The following TBC1D5 variants were observed in gnomAD, a reference collection of about 807,000 sequenced individuals.
TBC1D5 encodes the protein TBC1 domain family member 5.
A neutral mutation model predicts 100.3 loss-of-function variants in TBC1D5; 75 were observed. The observed-to-expected ratio is 0.75, with a 90% confidence interval of 0.62 to 0.91. The LOEUF (loss-of-function observed/expected upper bound fraction) is 0.91. TBC1D5 is among the 40% of genes least tolerant of loss of function. TBC1D5 has a pLI of 0.00. For missense variants in TBC1D5, 910 were observed against 942.4 expected, an observed-to-expected ratio of 0.97 and a Z score of 0.45; for synonymous variants, 323 against 325.6, an observed-to-expected ratio of 0.99 and a Z score of 0.09.
chr3:17,261,262 C>A (rs1411965077), intron 15 of TBC1D5, among the ~76,000 whole-genome samples: 2 of 151,980 alleles, frequency 1.3e-5, no homozygotes, highest in Admixed American at 6.5e-5. Flanking sequence ...AAACAACAAC[C>A]AAAACAAAAC....
rs552731051 is a variant in TBC1D5, at chr3:17,645,709, TTCTGAC to T, written c.-100-21802_-100-21797del. On this transcript the variant is annotated intron_variant, in intron 1 of 21. Coordinates refer to ENST00000253692, the Ensembl canonical transcript of TBC1D5. ...TCTAGGTACAAATCTCTTTCTTGAATTCTGACTAGACCATGAACCAATTCTACTACC... is the reference window on the plus strand; with the variant it reads ...TCTAGGTACAAATCTCTTTCTTGAATTAGACCATGAACCAATTCTACTACC... Among the ~76,000 whole-genome samples the T allele has an allele frequency of 1.4e-3, 206 of 152,266 alleles. 1 individual carries two copies. Among genetic ancestry groups the T allele is most frequent in the Admixed American group, 2.2e-3 (33 of 15,288 alleles).
chr3:17,641,324 C>T (rs1056326178), intron 1 of TBC1D5, among the ~76,000 whole-genome samples: 1 of 151,940 alleles, frequency 6.6e-6, no homozygotes, highest in Non-Finnish European at 1.5e-5. Flanking sequence ...TAGATGGTGG[C>T]TATTGGTTTC....
intron 3 of TBC1D5, among the ~76,000 whole-genome samples, chr3:17,445,335 C>T (rs748374064): frequency 3.3e-5 from 5 of 151,342 alleles, no homozygotes; most frequent in African/African-American, 7.3e-5. Flanking sequence ...TTAAAGAGGA[C>T]GGTCTTTAGT....
intron 1 of TBC1D5, among the ~76,000 whole-genome samples, chr3:17,648,330 G>C (rs904325631): frequency 1.3e-5 from 2 of 152,034 alleles, no homozygotes; most frequent in Non-Finnish European, 2.9e-5. Context: ...ATCAACTCAA[G>C]GTGGATTAAA....
chr3:17,388,495 G>C (rs2093241109), intron 8 of TBC1D5, among the ~76,000 whole-genome samples: 1 of 151,758 alleles, frequency 6.6e-6, no homozygotes, highest in South Asian at 2.1e-4. Flanking sequence ...GCTAATCCCA[G>C]ACGTCATTAT....
chr3:17,692,372 A>G (rs150412915), intron 1 of TBC1D5, among the ~76,000 whole-genome samples: 461 of 152,338 alleles, frequency 3.0e-3, no homozygotes, highest in African/African-American at 0.011. Flanking sequence ...GATTACAGGT[A>G]TGAGTCACCA....
intron 13 of TBC1D5, among the ~76,000 whole-genome samples, chr3:17,350,027 T>A (rs1375590110): frequency 1.3e-5 from 2 of 152,172 alleles, no homozygotes; most frequent in East Asian, 3.8e-4. Context: ...TTTTATTTAT[T>A]TACTGCAAGA....
At chr3:17,348,241 A>C (rs559760959) in intron 13 of TBC1D5, among the ~76,000 whole-genome samples, 1 of 152,346 alleles carries the variant, frequency 6.6e-6, no homozygotes, top group South Asian at 2.1e-4. Context: ...GCCCCATGGA[A>C]TTCTTCATGT....
At chr3:17,691,230 T>A (rs2071104616) in intron 1 of TBC1D5, among the ~76,000 whole-genome samples, 1 of 152,166 alleles carries the variant, frequency 6.6e-6, no homozygotes, top group African/African-American at 2.4e-5. Context: ...ATCTCCCTCC[T>A]GTAACACCTT....
At chr3:17,374,700 A>AT in intron 10 of TBC1D5, 21 bp from the exon 11 acceptor site, 1 of 1,606,844 alleles carries the variant, frequency 6.2e-7, no homozygotes, top group Non-Finnish European at 8.5e-7. Context: ...CAATACAAGC[A>AT]ATCAAAATGT....
intron 3 of TBC1D5, among the ~76,000 whole-genome samples, chr3:17,447,027 T>C (rs2094815195): frequency 6.7e-6 from 1 of 150,082 alleles, no homozygotes. Context: ...CAAGAGAAAA[T>C]TGTATCACTG....
chr3:17,297,599 G>A (rs974375714), intron 14 of TBC1D5, among the ~76,000 whole-genome samples: 2 of 151,298 alleles, frequency 1.3e-5, no homozygotes, highest in African/African-American at 2.4e-5. Flanking sequence ...TTTCTTTTTT[G>A]GAGACACATC....
chr3:17,560,634 G>A (rs1322001383), intron 2 of TBC1D5, among the ~76,000 whole-genome samples: 3 of 149,206 alleles, frequency 2.0e-5, no homozygotes, highest in African/African-American at 4.9e-5. Flanking sequence ...AAAAAAGGGG[G>A]GGTGGGGGGC....
intron 13 of TBC1D5, chr3:17,338,362 A>G (rs139097621): frequency 2.3e-4 from 35 of 152,340 alleles, no homozygotes; most frequent in African/African-American, 6.5e-4. Context: ...GACTACTTAT[A>G]TACTGAAAAA....
chr3:17,646,691 A>C (rs1319509523), intron 1 of TBC1D5, among the ~76,000 whole-genome samples: 1 of 152,168 alleles, frequency 6.6e-6, no homozygotes. Context: ...CACCCTTAGC[A>C]AGCGGACTGT....
chr3:17,251,436 C>CG lies in TBC1D5; in HGVS notation c.1331+7069_1331+7070insC, dbSNP rs1032946215. On this transcript the variant is annotated intron_variant, in intron 16 of 21. Coordinates refer to ENST00000253692, the Ensembl canonical transcript of TBC1D5. ...ATATACTCACGGGAACCCCCCCCCCCCCAGTAGAAGCGATTAGAAGTGGAG... is the reference window on the plus strand; with the variant it reads ...ATATACTCACGGGAACCCCCCCCCCCGCCAGTAGAAGCGATTAGAAGTGGAG... Among the ~76,000 whole-genome samples the CG allele has an allele frequency of 6.9e-5, 10 of 143,922 alleles. No homozygotes were observed. The East Asian group carries it at 1.1e-3, about 15-fold the overall frequency. 94.4% of individuals were successfully genotyped at this position (143,922 alleles called of 152,430 possible). A position where few individuals can be genotyped will look rare whatever the true frequency, so the allele number is the denominator to read the frequency against.
intron 16 of TBC1D5, among the ~76,000 whole-genome samples, chr3:17,240,293 G>C (rs1416731385): frequency 6.6e-6 from 1 of 152,084 alleles, no homozygotes; most frequent in African/African-American, 2.4e-5. Flanking sequence ...ATAAAAGAAA[G>C]ATCGATTCAT....
chr3:17,602,857 G>A (rs962409244), intron 2 of TBC1D5, among the ~76,000 whole-genome samples: 1 of 152,030 alleles, frequency 6.6e-6, no homozygotes, highest in African/African-American at 2.4e-5. Context: ...TTACAGGCAT[G>A]AGCCACCGTG....
intron 16 of TBC1D5, among the ~76,000 whole-genome samples, chr3:17,255,642 A>G (rs1249621456): frequency 2.0e-5 from 3 of 152,218 alleles, no homozygotes; most frequent in African/African-American, 7.2e-5. Context: ...CTACTTTAAA[A>G]TATGTGTTGT....
Sources: gnomAD v4.1 joint callset for allele counts (sites outside exome capture counted in the v4.1 genomes callset) on GRCh38, gnomAD v4.1.1 for gene constraint, MANE v1.5 for transcripts, NCBI Gene and HGNC (gene_info 2026-07-23, HGNC 2026-07-21) for gene names.